PPP2R5A: variants seen among roughly 807,000 people sequenced by gnomAD.
PPP2R5A encodes serine/threonine-protein phosphatase 2A 56 kDa regulatory subunit alpha isoform.
PPP2R5A carries 25 observed loss-of-function variants against 64.2 expected under a neutral mutation model. The ratio of observed to expected loss-of-function variants is 0.39; its 90% CI spans 0.28 to 0.54. PPP2R5A has a LOEUF of 0.54. Among genes scored for constraint, PPP2R5A ranks in the 20% least tolerant of loss-of-function variants. PPP2R5A has a pLI of 0.67. For missense variants in PPP2R5A, 425 were observed against 576.3 expected, an observed-to-expected ratio of 0.74 and a Z score of 2.69; for synonymous variants, 198 against 201.2, an observed-to-expected ratio of 0.98 and a Z score of 0.13.
rs911135746 is a variant in PPP2R5A at position 212,356,943 on chromosome 1, A to C, written c.979-7A>C. On this transcript the variant is annotated splice_polypyrimidine_tract_variant and splice_region_variant and intron_variant, in intron 9 of 12. Coordinates refer to ENST00000261461, the MANE Select transcript of PPP2R5A (RefSeq NM_006243.4). ...ATGTTTCTTAAAATAAAATTTTTTT[A>C]ACCTAGGTGATGTTTTTAGGAGAAA... 1.3e-5 allele frequency: 20 copies of C among 1,533,214 alleles called. No homozygotes were observed. Among genetic ancestry groups the C allele is most frequent in the Non-Finnish European group, 1.6e-5 (18 of 1,131,736 alleles). The allele number at this position is 1,533,214 out of a possible 1,614,324, so 95.0% of individuals were successfully genotyped here. A position where few individuals can be genotyped will look rare whatever the true frequency, so the allele number is the denominator to read the frequency against.
Position 212,349,484 on chromosome 1 carries a change from C to T in PPP2R5A, c.927+242C>T, listed in dbSNP as rs1264186527. ...ATTAATATGTAGTAGTTAAGATGTA[C>T]GATGATAGGATCAGATGACCACAGT... On this transcript the variant is annotated intron_variant, in intron 8 of 12. Transcript: ENST00000261461. Among the ~76,000 whole-genome samples, 14 of 152,014 alleles carry T rather than the reference C, an allele frequency of 9.2e-5. No homozygotes were observed. In the East Asian group the frequency reaches 1.5e-3, roughly 17 times the overall value.
At chr1:212,350,886 C>A (rs915138855) in intron 8 of PPP2R5A, among the ~76,000 whole-genome samples, 59 of 150,370 alleles carry the variant, frequency 3.9e-4, no homozygotes, top group African/African-American at 1.3e-3. Flanking sequence ...GCCTGTAATC[C>A]CAGCACTTTG....
intron 1 of PPP2R5A, among the ~76,000 whole-genome samples, chr1:212,295,086 G>A (rs1220129219): frequency 2.0e-5 from 3 of 152,174 alleles, no homozygotes; most frequent in Admixed American, 1.3e-4. Context: ...GGTCTAGTGC[G>A]TAATCTTGTT....
chr1:212,326,143 A>T (rs1237658559), intron 1 of PPP2R5A, among the ~76,000 whole-genome samples: 1 of 152,200 alleles, frequency 6.6e-6, no homozygotes, highest in Non-Finnish European at 1.5e-5. Flanking sequence ...TATGTTGGCT[A>T]GTGGTTCATT....
At chr1:212,292,196 G>T (rs898238912) in intron 1 of PPP2R5A, among the ~76,000 whole-genome samples, 1 of 152,328 alleles carries the variant, frequency 6.6e-6, no homozygotes, top group East Asian at 1.9e-4. Context: ...AGGCAGGGCA[G>T]TGAGAACTCA....
chr1:212,347,260 T>C, intron 5 of PPP2R5A, 87 bp from the exon 6 acceptor site: 1 of 951,532 alleles, frequency 1.1e-6, no homozygotes, highest in Non-Finnish European at 1.6e-6. Flanking sequence ...AGCTGTCCTT[T>C]GGATTGATTT....
intron 8 of PPP2R5A, among the ~76,000 whole-genome samples, chr1:212,353,828 T>C (rs756053125): frequency 2.6e-5 from 4 of 152,214 alleles, no homozygotes; most frequent in Admixed American, 6.5e-5. Flanking sequence ...AAAATATCTC[T>C]GCACAATATT....
rs147021984 is a variant in PPP2R5A at position 212,314,507 on chromosome 1, C to T, written c.182-14628C>T. 3.9e-3 allele frequency among the ~76,000 whole-genome samples: 594 copies of T among 151,938 alleles called. 3 individuals carry two copies. The highest frequency in any genetic ancestry group is 0.014 in the African/African-American group (562 of 41,388). On this transcript the variant is annotated intron_variant, in intron 1 of 12. Transcript: ENST00000261461. ...AACCCTCTGGCCTCAAGCAGTCCTC[C>T]CACTTCAGCCTCCAAGTAGCTGGAA...
chr1:212,347,469 C>G (rs544054196), intron 6 of PPP2R5A, 63 bp downstream of exon 6: 2 of 1,241,024 alleles, frequency 1.6e-6, no homozygotes, highest in Admixed American at 3.9e-5. Context: ...GTATTAAAAT[C>G]TTAGCTGGGG....
intron 1 of PPP2R5A, among the ~76,000 whole-genome samples, chr1:212,303,050 A>C (rs1307159235): frequency 6.6e-6 from 1 of 152,094 alleles, no homozygotes; most frequent in Non-Finnish European, 1.5e-5. Context: ...GCTGCTATGA[A>C]CATTTGTATA....
chr1:212,329,205 C>T lies in PPP2R5A; in HGVS notation c.252C>T (p.Phe84=), dbSNP rs1471234328. 2 of 1,613,158 alleles carry T rather than the reference C, an allele frequency of 1.2e-6. No individual in the cohort carries two copies. The highest frequency in any genetic ancestry group is 1.7e-6 in the Non-Finnish European group (2 of 1,179,654). ...KLQQCCILFD[F]MDSVSDLKSK... ...AGCAGTGTTGTATACTGTTTGATTT[C>T]ATGGACTCTGTTTCAGACTTGAAGA... is the stretch of plus-strand genomic sequence containing the variant. The change falls in exon 2 of 13, where the codon TTC becomes TTT. Residue 84 remains phenylalanine (F), a synonymous_variant. Transcript: ENST00000261461.
At position 212,361,775 on chromosome 1, in the gene PPP2R5A, CA is replaced by C. The variant is rs1250601276; in HGVS notation, c.*1006del. ...AGTACCATTCCAATCTCTTAACTTG[CA>C]GTTGTGTGGAAAACTGTTTTGTAAT... On this transcript the variant is annotated 3_prime_UTR_variant, in exon 13 of 13. Coordinates refer to ENST00000261461, the MANE Select transcript of PPP2R5A (RefSeq NM_006243.4). The C allele has an allele frequency of 6.6e-6, 1 of 152,634 alleles. No homozygotes were observed. Among genetic ancestry groups the C allele is most frequent in the Non-Finnish European group, 1.5e-5 (1 of 68,042 alleles). 9.5% of individuals were successfully genotyped at this position (152,634 alleles called of 1,614,324 possible).
intron 1 of PPP2R5A, among the ~76,000 whole-genome samples, chr1:212,303,214 T>A (rs190830902): frequency 2.6e-5 from 4 of 152,250 alleles, no homozygotes; most frequent in Non-Finnish European, 4.4e-5. Flanking sequence ...ACTTGTGGTA[T>A]GTGAGGATTT....
rs1386773347 is a variant in PPP2R5A, at chr1:212,345,932, A to G, written c.703A>G (p.Arg235Gly). The G allele has an allele frequency of 6.3e-7, 1 of 1,587,944 alleles. No homozygotes were observed. The highest frequency in any genetic ancestry group is 8.6e-7 in the Non-Finnish European group (1 of 1,166,980). The change falls in exon 5 of 13, where the codon AGG (arginine) becomes GGG (glycine). Residue 235 changes from arginine (R) to glycine (G), a missense_variant and splice_region_variant. By Grantham distance (125) the Arg-to-Gly change is moderately radical (BLOSUM62 -2). Coordinates refer to ENST00000261461, the MANE Select transcript of PPP2R5A (RefSeq NM_006243.4). Reference protein sequence around the residue: ...IRKQINNIFLRFIYETEHFNG... With the variant: ...IRKQINNIFLGFIYETEHFNG... ...AAAACAAATTAACAACATTTTCCTCAGGTAAATTAATCATTTATTGTATAT... is the reference window on the plus strand; with the variant it reads ...AAAACAAATTAACAACATTTTCCTCGGGTAAATTAATCATTTATTGTATAT...
chr1:212,286,772 A>G (rs112404659), intron 1 of PPP2R5A, among the ~76,000 whole-genome samples: 1 of 151,998 alleles, frequency 6.6e-6, no homozygotes, highest in African/African-American at 2.4e-5. Context: ...TCTCAACTTC[A>G]CTTCCCATTG....
chr1:212,358,889 T>C, intron 12 of PPP2R5A, 102 bp downstream of exon 12: 2 of 872,416 alleles, frequency 2.3e-6, no homozygotes, highest in South Asian at 3.7e-5. Flanking sequence ...TTTTCATATT[T>C]AAGAAGTTAA....
At chr1:212,358,642 T>C (rs1313371540) in intron 11 of PPP2R5A, 44 bp from the exon 12 acceptor site, 1 of 1,391,244 alleles carries the variant, frequency 7.2e-7, no homozygotes, top group Non-Finnish European at 1.0e-6. Context: ...ATTTCCTCTC[T>C]GTTAGCAGTA....
At chr1:212,307,255 TGA>T (rs1658935463) in intron 1 of PPP2R5A, among the ~76,000 whole-genome samples, 3 of 152,032 alleles carry the variant, frequency 2.0e-5, no homozygotes, top group South Asian at 2.1e-4. Context: ...TACATATTTT[TGA>T]GAGTTTTTTT....
intron 1 of PPP2R5A, among the ~76,000 whole-genome samples, chr1:212,286,791 T>G (rs912159180): frequency 1.3e-5 from 2 of 152,138 alleles, no homozygotes; most frequent in Non-Finnish European, 2.9e-5. Context: ...TGATTGCCCC[T>G]AAGAGTCATC....
Sources: allele counts gnomAD v4.1 joint callset (sites outside exome capture counted in the v4.1 genomes callset), GRCh38; gene constraint gnomAD v4.1.1; transcripts MANE v1.5; gene names NCBI Gene and HGNC (gene_info 2026-07-23, HGNC 2026-07-21).